Variants in SLC34A1 observed in about 807,000 individuals in gnomAD.
SLC34A1 encodes sodium-dependent phosphate transport protein 2A.
SLC34A1 carries 57 observed loss-of-function variants against 51.4 expected under a neutral mutation model. The ratio of observed to expected loss-of-function variants is 1.11; its 90% CI spans 0.90 to 1.38. SLC34A1 has a LOEUF of 1.38. Among genes scored for constraint, SLC34A1 ranks in the 40% most tolerant of loss-of-function variants. The probability of loss-of-function intolerance (pLI) is 0.00; values close to 1 mark genes in which losing one functional copy is unlikely to be tolerated. For missense variants in SLC34A1, 796 were observed against 835.6 expected (o/e 0.95, Z 0.58); for synonymous variants, 368 against 358.0 (o/e 1.03, Z -0.32).
Position 177,386,096 on chromosome 5 carries a change from A to C in SLC34A1, c.219A>C (p.Pro73=), listed in dbSNP as rs200327976. ...GGGAGGTCCTGGAGCGCCATGAACCACTGCCTGCCAAGCTGGCCCTGGAGG... is the reference window on the plus strand; with the variant it reads ...GGGAGGTCCTGGAGCGCCATGAACCCCTGCCTGCCAAGCTGGCCCTGGAGG... ...PCGEVLERHE[P]LPAKLALEEE... The change falls in exon 3 of 13, where the codon CCA becomes CCC. Residue 73 remains proline (P), a synonymous_variant. Transcript: ENST00000324417. This position sits in a 1 kb window ranked among gnomAD's most constrained non-coding sequence, Gnocchi z 4.8. The C allele has an allele frequency of 6.2e-7, 1 of 1,613,118 alleles. No homozygotes were observed. Among genetic ancestry groups the C allele is most frequent in the Admixed American group, 1.7e-5 (1 of 59,976 alleles).
rs1489651170 is a variant in SLC34A1 at position 177,386,764 on chromosome 5, T to C, written c.532+198T>C. On this transcript the variant is annotated intron_variant, in intron 5 of 12. Coordinates refer to ENST00000324417, the MANE Select transcript of SLC34A1 (RefSeq NM_003052.5). The surrounding 1 kb of genome is among the most constrained non-coding windows in gnomAD (Gnocchi z 4.8). ...TATGGCAAGGAACTGGCTTCCCCGA[T>C]GGTAGTTTGTCTGGGCAAGTCAGGA... 6.6e-6 allele frequency among the ~76,000 whole-genome samples: 1 copy of C among 152,008 alleles called. No individual in the cohort carries two copies. The highest frequency in any genetic ancestry group is 1.5e-5 in the Non-Finnish European group (1 of 68,000).
intron 10 of SLC34A1, 35 bp downstream of exon 10, chr5:177,394,230 G>A: frequency 1.2e-6 from 2 of 1,609,578 alleles, no homozygotes; most frequent in Non-Finnish European, 1.7e-6. Context: ...CAGGGCCACA[G>A]GATGGGCCTT....
chr5:177,388,345 G>T lies in SLC34A1; in HGVS notation c.909G>T (p.Gln303His), dbSNP rs768061577. 5.0e-6 allele frequency: 8 copies of T among 1,614,048 alleles called. No individual in the cohort carries two copies. The highest frequency in any genetic ancestry group is 3.3e-5 in the Admixed American group (2 of 59,992). The change falls in exon 8 of 13, where the codon CAG becomes CAT. Residue 303 changes from glutamine to histidine, a missense_variant. Gln to His is a conservative substitution (Grantham distance 24). Coordinates refer to ENST00000324417, the MANE Select transcript of SLC34A1 (RefSeq NM_003052.5). The surrounding 1 kb of genome is among the most constrained non-coding windows in gnomAD (Gnocchi z 4.3). Reference sequence around the variant, plus strand: ...CCCTGAGGAACCACAGTCTCATCCAGATCTGGTGCCACCCAGACTCCTTAC... The same window carrying T: ...CCCTGAGGAACCACAGTCTCATCCATATCTGGTGCCACCCAGACTCCTTAC... ...DESLRNHSLI[Q>H]IWCHPDSLQA...
Position 177,386,595 on chromosome 5 carries a change from G to T in SLC34A1, c.532+29G>T. ...AGTTGGCCCACCAGGGTGGGGAAGA[G>T]CTTGGAGGGGCACCCCAGGAGCTGG... On this transcript the variant is annotated intron_variant, in intron 5 of 12. Transcript: ENST00000324417. The surrounding 1 kb of genome is among the most constrained non-coding windows in gnomAD (Gnocchi z 4.8). 1 of 1,612,808 alleles carries T rather than the reference G, an allele frequency of 6.2e-7. No homozygotes were observed. The highest frequency in any genetic ancestry group is 8.5e-7 in the Non-Finnish European group (1 of 1,179,878).
intron 9 of SLC34A1, 62 bp downstream of exon 9, chr5:177,393,825 G>A: frequency 1.9e-6 from 3 of 1,564,188 alleles, no homozygotes; most frequent in Non-Finnish European, 2.6e-6. Context: ...CAGTGGCAGG[G>A]CAATCCCACA....
Position 177,386,564 on chromosome 5 carries a change from G to C in SLC34A1, c.530G>C (p.Gly177Ala). 6.2e-7 allele frequency: 1 copy of C among 1,613,974 alleles called. No individual in the cohort carries two copies. The highest frequency in any genetic ancestry group is 8.5e-7 in the Non-Finnish European group (1 of 1,180,006). The change falls in exon 5 of 13, where the codon GGC becomes GCC. Residue 177 changes from glycine (G) to alanine (A), a missense_variant and splice_region_variant. By Grantham distance (60) the Gly-to-Ala change is moderately conservative (BLOSUM62 0). Transcript: ENST00000324417. This position sits in a 1 kb window ranked among gnomAD's most constrained non-coding sequence, Gnocchi z 4.8. ...TSIIVSMVSS[G>A]LLEVSSAIPI... ...ATCATCGTCAGCATGGTCTCCTCTG[G>C]CTGTGAGTTGGCCCACCAGGGTGGG...
intron 5 of SLC34A1, 57 bp from the exon 6 acceptor site, chr5:177,387,702 TGTG>T (rs1289345558): frequency 3.2e-5 from 44 of 1,378,306 alleles, no homozygotes; most frequent in Non-Finnish European, 4.3e-5. Flanking sequence ...TGACAGGAGT[TGTG>T]GTGGTGCAGG....
In SLC34A1 at chr5:177,386,217, C is replaced by T; in HGVS notation, c.260-4C>T. ...CCACTATGCTCATGGCTTCCCCCAT[C>T]CAGAGTCCAGGCTGGTCCCCAAGCT... is the stretch of plus-strand genomic sequence containing the variant. On this transcript the variant is annotated splice_polypyrimidine_tract_variant and splice_region_variant and intron_variant, in intron 3 of 12. Coordinates refer to ENST00000324417, the MANE Select transcript of SLC34A1 (RefSeq NM_003052.5). The surrounding 1 kb of genome is among the most constrained non-coding windows in gnomAD (Gnocchi z 4.8). 1.2e-6 allele frequency: 2 copies of T among 1,614,166 alleles called. No homozygotes were observed. The highest frequency in any genetic ancestry group is 1.7e-6 in the Non-Finnish European group (2 of 1,180,026).
chr5:177,395,684 G>A (rs528754029), intron 10 of SLC34A1, among the ~76,000 whole-genome samples: 1 of 152,316 alleles, frequency 6.6e-6, no homozygotes, highest in South Asian at 2.1e-4. Flanking sequence ...CCAGGCTGGA[G>A]TGCAGTGGTG....
chr5:177,385,645 G>A, intron 1 of SLC34A1, 50 bp from the exon 2 acceptor site: 1 of 861,030 alleles, frequency 1.2e-6, no homozygotes. Context: ...GGTTTGTGCA[G>A]GTGAGGGTGT....
At chr5:177,391,944 T>C (rs1762818658) in intron 8 of SLC34A1, among the ~76,000 whole-genome samples, 1 of 152,192 alleles carries the variant, frequency 6.6e-6, no homozygotes, top group South Asian at 2.1e-4. Flanking sequence ...GCTCTCTCTC[T>C]CCCTTACCCT....
chr5:177,390,365 A>G, intron 8 of SLC34A1: 1 of 985,514 alleles, frequency 1.0e-6, no homozygotes. Context: ...CCTGGATTAA[A>G]CAAGCATCTT....
chr5:177,384,788 C>T (rs892019357), intron 1 of SLC34A1, among the ~76,000 whole-genome samples: 7 of 150,520 alleles, frequency 4.7e-5, no homozygotes, highest in South Asian at 2.1e-4. Context: ...CTTGAACCCA[C>T]GAGGCAGAGG....
At chr5:177,390,704 C>A (rs187863506) in intron 8 of SLC34A1, among the ~76,000 whole-genome samples, 1 of 151,988 alleles carries the variant, frequency 6.6e-6, no homozygotes, top group South Asian at 2.1e-4. Context: ...ACAGTGCTCT[C>A]CCTCGGCTTC....
rs1010213008 is a variant in SLC34A1, at chr5:177,396,790, G to A, written c.1232G>A (p.Ser411Asn). ...TGYFAMVVGASMTFVVQSSSV... is the reference protein window; with the variant it reads ...TGYFAMVVGANMTFVVQSSSV... ...TACTTTGCCATGGTGGTGGGCGCCA[G>A]CATGACCTTCGTGGTCCAGAGCAGT... is the stretch of plus-strand genomic sequence containing the variant. The change falls in exon 11 of 13, where the codon AGC (serine) becomes AAC (asparagine). Residue 411 changes from serine (S) to asparagine (N), a missense_variant. Transcript: ENST00000324417. The surrounding 1 kb of genome is among the most constrained non-coding windows in gnomAD (Gnocchi z 4.0). 1 of 1,614,124 alleles carries A rather than the reference G, an allele frequency of 6.2e-7. No individual in the cohort carries two copies. The highest frequency in any genetic ancestry group is 1.3e-5 in the African/African-American group (1 of 74,956).
intron 8 of SLC34A1, among the ~76,000 whole-genome samples, chr5:177,391,697 G>C (rs1162435701): frequency 6.6e-6 from 1 of 152,206 alleles, no homozygotes; most frequent in African/African-American, 2.4e-5. Context: ...ATGTGATCCT[G>C]AACGGGCCCA....
Position 177,386,407 on chromosome 5 carries a change from G to A in SLC34A1, c.389-16G>A, listed in dbSNP as rs775408301. 6 of 1,614,244 alleles carry A rather than the reference G, an allele frequency of 3.7e-6. No homozygotes were observed. The highest frequency in any genetic ancestry group is 2.2e-5 in the South Asian group (2 of 91,086). On this transcript the variant is annotated splice_polypyrimidine_tract_variant and intron_variant, in intron 4 of 12. Coordinates refer to ENST00000324417, the MANE Select transcript of SLC34A1 (RefSeq NM_003052.5). The surrounding 1 kb of genome is among the most constrained non-coding windows in gnomAD (Gnocchi z 4.8). ...TTCCTGAAGGGCCTTGGACAACGCTGGCTCATGCTCCCCAGGGAAGGTGGC... is the reference window on the plus strand; with the variant it reads ...TTCCTGAAGGGCCTTGGACAACGCTAGCTCATGCTCCCCAGGGAAGGTGGC...
Position 177,386,312 on chromosome 5 carries a change from C to T in SLC34A1, c.351C>T (p.Ser117=). ...CCTTCCTCTACCTCTTCGTCTGCTC[C>T]CTGGACATGCTCAGCTCGGCCTTCC... is the stretch of plus-strand genomic sequence containing the variant. ...MLTFLYLFVC[S]LDMLSSAFQL... The change falls in exon 4 of 13, where the codon TCC becomes TCT. Residue 117 remains serine, a synonymous_variant. Coordinates refer to ENST00000324417, the MANE Select transcript of SLC34A1 (RefSeq NM_003052.5). This position sits in a 1 kb window ranked among gnomAD's most constrained non-coding sequence, Gnocchi z 4.8. 2 of 1,614,266 alleles carry T rather than the reference C, an allele frequency of 1.2e-6. No individual in the cohort carries two copies. The highest frequency in any genetic ancestry group is 1.1e-5 in the South Asian group (1 of 91,086).
chr5:177,389,442 C>T (rs1762723286), intron 8 of SLC34A1, among the ~76,000 whole-genome samples: 1 of 152,030 alleles, frequency 6.6e-6, no homozygotes, highest in Non-Finnish European at 1.5e-5. Context: ...TCTGACTCGC[C>T]CTGCGATGCT....
Sources: allele counts gnomAD v4.1 joint callset (sites outside exome capture counted in the v4.1 genomes callset), GRCh38; gene constraint gnomAD v4.1.1; non-coding constraint Gnocchi (gnomAD v3.1); transcripts MANE v1.5; gene names NCBI Gene and HGNC (gene_info 2026-07-23, HGNC 2026-07-21).